The following SLC43A3 variants were observed in gnomAD, a reference collection of about 807,000 sequenced individuals.
SLC43A3 encodes the protein solute carrier family 43 member 3.
A neutral mutation model predicts 53.3 loss-of-function variants in SLC43A3; 33 were observed. The ratio of observed to expected loss-of-function variants is 0.62; its 90% confidence interval spans 0.47 to 0.83. The LOEUF is 0.83. SLC43A3 is among the 40% of genes least tolerant of loss of function. The pLI is 0.00. For synonymous variants in SLC43A3, 236 were observed against 246.2 expected (o/e 0.96, Z 0.39); for missense variants, 530 against 610.0 (o/e 0.87, Z 1.38).
chr11:57,414,990 A>G lies in SLC43A3; in HGVS notation c.886T>C (p.Phe296Leu). Residue 296 changes from phenylalanine to leucine, a missense_variant, in exon 10 of 14, where the codon TTC becomes CTC. Coordinates refer to ENST00000395124, the MANE Select transcript of SLC43A3 (RefSeq NM_199329.3). ...LSVIQLWHYL[F>L]IGTLNSLLTN... ...AGCAAGGAGTTGAGAGTGCCAATGA[A>G]GAGGTAGTGCCACAACTGTATCACA... 6.2e-7 allele frequency: 1 copy of G among 1,614,028 alleles called. No homozygotes were observed. The highest frequency in any genetic ancestry group is 8.5e-7 in the Non-Finnish European group (1 of 1,180,022).
At chr11:57,422,076 T>C (rs945474915) in intron 5 of SLC43A3, among the ~76,000 whole-genome samples, 3 of 152,174 alleles carry the variant, frequency 2.0e-5, no homozygotes, top group Non-Finnish European at 4.4e-5. Flanking sequence ...GACAAATTCT[T>C]CCTCCCCAAA....
chr11:57,415,436 G>C (rs1194108350), intron 9 of SLC43A3: 1 of 1,327,636 alleles, frequency 7.5e-7, no homozygotes. Context: ...GACAAGGAGA[G>C]GAGAAAGTCA....
intron 5 of SLC43A3, among the ~76,000 whole-genome samples, chr11:57,422,916 G>A (rs931505505): frequency 6.6e-6 from 1 of 152,230 alleles, no homozygotes; most frequent in Non-Finnish European, 1.5e-5. Flanking sequence ...TGTTTGCCCA[G>A]CATGAGTGCA....
intron 8 of SLC43A3, among the ~76,000 whole-genome samples, chr11:57,417,402 G>A (rs1332678803): frequency 2.6e-5 from 4 of 152,172 alleles, no homozygotes; most frequent in Non-Finnish European, 5.9e-5. Flanking sequence ...ACAGCCACGT[G>A]ACCCAGGCAT....
Sources: allele counts gnomAD v4.1 joint callset (sites outside exome capture counted in the v4.1 genomes callset), GRCh38; gene constraint gnomAD v4.1.1; transcripts MANE v1.5; gene names NCBI Gene and HGNC (gene_info 2026-07-23, HGNC 2026-07-21).